Variants in NCKAP5 observed in about 807,000 individuals in gnomAD.
NCKAP5 encodes the protein nck-associated protein 5.
Under a neutral mutation model 167.0 loss-of-function variants are expected in NCKAP5, and 92 were observed. The ratio of observed to expected loss-of-function variants is 0.55; its 90% CI spans 0.47 to 0.66. The LOEUF (loss-of-function observed/expected upper bound fraction) is 0.66, where lower values mean the gene tolerates loss of function less well. Among genes scored for constraint, NCKAP5 ranks in the 30% least tolerant of loss-of-function variants. The probability of loss-of-function intolerance (pLI) is 0.00; values close to 1 mark genes in which losing one functional copy is unlikely to be tolerated. For missense variants in NCKAP5, 2,378 were observed against 2,315.0 expected (o/e 1.03, Z -0.56); for synonymous variants, 891 against 877.4 (o/e 1.02, Z -0.27).
intron 1 of NCKAP5, among the ~76,000 whole-genome samples, chr2:133,566,277 A>C (rs371489140): frequency 2.0e-5 from 3 of 152,248 alleles, no homozygotes; most frequent in Admixed American, 2.0e-4. Context: ...AGCTGTGGCC[A>C]TAAGAAGAAG....
intron 3 of NCKAP5, among the ~76,000 whole-genome samples, chr2:133,408,820 C>A (rs1024730068): frequency 6.6e-6 from 1 of 152,152 alleles, no homozygotes. Context: ...GAACCTCGTG[C>A]CCCTGAACAG....
intron 3 of NCKAP5, among the ~76,000 whole-genome samples, chr2:133,482,196 T>A (rs1211255411): frequency 1.3e-5 from 2 of 152,026 alleles, no homozygotes; most frequent in East Asian, 1.9e-4. Flanking sequence ...ATTGTGTATA[T>A]ATATAAAATT....
At chr2:133,068,656 G>A (rs962162129) in intron 6 of NCKAP5, among the ~76,000 whole-genome samples, 2 of 152,152 alleles carry the variant, frequency 1.3e-5, no homozygotes, top group African/African-American at 2.4e-5. Context: ...ATTCACTGAG[G>A]CATCACTGAA....
intron 19 of NCKAP5, among the ~76,000 whole-genome samples, chr2:132,695,719 C>T (rs1687241728): frequency 6.6e-6 from 1 of 152,116 alleles, no homozygotes; most frequent in African/African-American, 2.4e-5. Context: ...AAACAGGATC[C>T]AAGGATACTT....
intron 3 of NCKAP5, among the ~76,000 whole-genome samples, chr2:133,388,967 T>C (rs1434720852): frequency 6.6e-6 from 1 of 152,264 alleles, no homozygotes; most frequent in Admixed American, 6.5e-5. Context: ...GGGAATTCCC[T>C]GACCCTTTGC....
intron 4 of NCKAP5, among the ~76,000 whole-genome samples, chr2:133,286,319 A>G (rs1679137282): frequency 6.6e-6 from 1 of 152,174 alleles, no homozygotes; most frequent in African/African-American, 2.4e-5. Context: ...CTTAACCACA[A>G]ATAAAGTCTT....
Position 133,036,725 on chromosome 2 carries a change from T to TG in NCKAP5, c.342-42487_342-42486insC. ...ACAGTTAGTATCATACTTAATGGAG[T>TG]AAAACTAAAAGCCTTTCCTTTAATA... On this transcript the variant is annotated intron_variant, in intron 6 of 19. Coordinates refer to ENST00000409261, the MANE Select transcript of NCKAP5 (RefSeq NM_207363.3). Among the ~76,000 whole-genome samples the TG allele has an allele frequency of 2.0e-5, 3 of 151,828 alleles. No individual in the cohort carries two copies. In the Middle Eastern group the frequency reaches 0.01, roughly 520 times the overall value.
intron 6 of NCKAP5, among the ~76,000 whole-genome samples, chr2:133,022,181 T>C (rs2078551754): frequency 6.6e-6 from 1 of 152,190 alleles, no homozygotes; most frequent in Non-Finnish European, 1.5e-5. Context: ...GAGACTAGGA[T>C]ATACTAGCCC....
At chr2:133,265,575 G>A (rs2089155666) in intron 4 of NCKAP5, among the ~76,000 whole-genome samples, 1 of 152,206 alleles carries the variant, frequency 6.6e-6, no homozygotes, top group African/African-American at 2.4e-5. Flanking sequence ...ACAGGCAGTT[G>A]CCAGTAGCAA....
chr2:132,763,776 T>C (rs113413998), intron 16 of NCKAP5, among the ~76,000 whole-genome samples: 269 of 152,334 alleles, frequency 1.8e-3, no homozygotes, highest in African/African-American at 6.1e-3. Context: ...ACGTTTCTCT[T>C]ATCAGTGATC....
At chr2:133,170,113 C>T (rs2084176474) in intron 5 of NCKAP5, among the ~76,000 whole-genome samples, 1 of 152,044 alleles carries the variant, frequency 6.6e-6, no homozygotes. Context: ...AAAAGCAATA[C>T]TCTTTAAAAT....
chr2:133,537,650 C>T (rs1358367139), intron 2 of NCKAP5, among the ~76,000 whole-genome samples: 1 of 151,760 alleles, frequency 6.6e-6, no homozygotes, highest in Non-Finnish European at 1.5e-5. Flanking sequence ...TTCGTATTTC[C>T]TTCATTCATT....
At chr2:132,773,153 T>C (rs765366457) in intron 16 of NCKAP5, among the ~76,000 whole-genome samples, 2 of 152,174 alleles carry the variant, frequency 1.3e-5, no homozygotes, top group Non-Finnish European at 2.9e-5. Context: ...GTGTCCAGGG[T>C]GGCCTGGAGG....
chr2:132,747,544 A>G (rs1679753938), intron 16 of NCKAP5, among the ~76,000 whole-genome samples: 1 of 111,246 alleles, frequency 9.0e-6, no homozygotes, highest in Non-Finnish European at 1.9e-5. Flanking sequence ...TTATTCATCA[A>G]CCTCTTTCCA....
chr2:133,596,638 C>T, the NCKAP5 span, among the ~76,000 whole-genome samples: 4 of 152,168 alleles, frequency 2.6e-5, no homozygotes, highest in Non-Finnish European at 4.4e-5. Context: ...TTGCTATTAA[C>T]GGAGAATCCA....
intron 19 of NCKAP5, among the ~76,000 whole-genome samples, chr2:132,705,894 T>A (rs989753691): frequency 4.6e-5 from 7 of 152,158 alleles, no homozygotes; most frequent in African/African-American, 1.7e-4. Flanking sequence ...ATCTAGGCCT[T>A]TTTTCCAGAG....
At position 133,027,976 on chromosome 2, in the gene NCKAP5, A is replaced by T. The variant is rs530775551; in HGVS notation, c.342-33737T>A. Among the ~76,000 whole-genome samples, 11 of 152,290 alleles carry T rather than the reference A, an allele frequency of 7.2e-5. No homozygotes were observed. In the East Asian group the frequency reaches 2.1e-3, roughly 29 times the overall value. On this transcript the variant is annotated intron_variant, in intron 6 of 19. Transcript: ENST00000409261. ...TCATGGACCCAGAAAAGTTAATATA[A>T]ATTCAAAATCCAAAACGTTTTGAGC... is the stretch of plus-strand genomic sequence containing the variant.
rs575979028 is a variant in NCKAP5 at position 132,837,709 on chromosome 2, C to A, written c.807+22783G>T. On this transcript the variant is annotated intron_variant, in intron 11 of 19. Coordinates refer to ENST00000409261, the MANE Select transcript of NCKAP5 (RefSeq NM_207363.3). ...CAAGTGTCTGGTAACTTTTGACTATCCATTAACACAGGAGAATGCATTTCA... is the reference window on the plus strand; with the variant it reads ...CAAGTGTCTGGTAACTTTTGACTATACATTAACACAGGAGAATGCATTTCA... Among the ~76,000 whole-genome samples the A allele has an allele frequency of 2.0e-5, 3 of 152,260 alleles. No individual in the cohort carries two copies. In the East Asian group the frequency reaches 5.8e-4, roughly 29 times the overall value.
chr2:133,443,367 C>G (rs917419459), intron 3 of NCKAP5, among the ~76,000 whole-genome samples: 1 of 152,214 alleles, frequency 6.6e-6, no homozygotes, highest in African/African-American at 2.4e-5. Context: ...CAACTGTGCT[C>G]CTCCAGTAAT....
Sources: allele counts gnomAD v4.1 joint callset (sites outside exome capture counted in the v4.1 genomes callset), GRCh38; gene constraint gnomAD v4.1.1; transcripts MANE v1.5; gene names NCBI Gene and HGNC (gene_info 2026-07-23, HGNC 2026-07-21).